The following ZNF136 variants were observed in gnomAD, a reference collection of about 807,000 sequenced individuals.
The protein encoded by ZNF136 is zinc finger protein 136 (clone pHZ-20).
A neutral mutation model predicts 11.4 loss-of-function variants in ZNF136; 8 were observed. The observed-to-expected ratio is 0.70, with a 90% CI of 0.41 to 1.27. The LOEUF (loss-of-function observed/expected upper bound fraction) is 1.27. Among genes scored for constraint, ZNF136 ranks in the 50% most tolerant of loss-of-function variants. The probability of loss-of-function intolerance (pLI) is 0.01; values close to 1 mark genes in which losing one functional copy is unlikely to be tolerated. For synonymous variants in ZNF136, 190 were observed against 207.1 expected, an observed-to-expected ratio of 0.92 and a Z score of 0.71; for missense variants, 590 against 656.5, an observed-to-expected ratio of 0.90 and a Z score of 1.11.
chr19:12,168,036 ATT>A (rs1208378064), intron 1 of ZNF136, among the ~76,000 whole-genome samples: 1 of 58,826 alleles, frequency 1.7e-5, no homozygotes, highest in Non-Finnish European at 3.8e-5. Context: ...ACAAATGCCC[ATT>A]TTTTTTTCTT....
Position 12,187,318 on chromosome 19 carries a change from G to A in ZNF136, c.940G>A (p.Gly314Arg), listed in dbSNP as rs1220450779. 1.4e-5 allele frequency: 22 copies of A among 1,613,928 alleles called. No individual in the cohort carries two copies. Among genetic ancestry groups the A allele is most frequent in the Non-Finnish European group, 1.7e-5 (20 of 1,180,006 alleles). Reference sequence around the variant, plus strand: ...GAAACCTTATGAATGCAAGCAGTGTGGGAAGGCCTTCAGTTATCTCCCCTC... The same window carrying A: ...GAAACCTTATGAATGCAAGCAGTGTAGGAAGGCCTTCAGTTATCTCCCCTC... ...GEKPYECKQC[G>R]KAFSYLPSLR... The change falls in exon 4 of 4, where the codon GGG (glycine) becomes AGG (arginine). Residue 314 changes from glycine (G) to arginine (R), a missense_variant. Gly to Arg is a moderately radical substitution (Grantham distance 125, BLOSUM62 -2). Transcript: ENST00000343979.
At chr19:12,172,118 G>A (rs746069504) in intron 1 of ZNF136, among the ~76,000 whole-genome samples, 4 of 151,516 alleles carry the variant, frequency 2.6e-5, no homozygotes, top group Non-Finnish European at 4.4e-5. Flanking sequence ...AGCTGGGATC[G>A]CAGGTGTGAG....
chr19:12,185,827 G>A lies in ZNF136; in HGVS notation c.46G>A (p.Glu16Lys). 3 of 1,614,008 alleles carry A rather than the reference G, an allele frequency of 1.9e-6. No homozygotes were observed. Among genetic ancestry groups the A allele is most frequent in the Non-Finnish European group, 2.5e-6 (3 of 1,179,964 alleles). Residue 16 changes from glutamate (E) to lysine (K), a missense_variant, in exon 2 of 4, where the codon GAG becomes AAG. By Grantham distance (56) the Glu-to-Lys change is moderately conservative. Transcript: ENST00000343979. The part of the protein sequence containing the change: ...FEDVDVNFTQ[E>K]EWALLDPSQK... ...GGATGTAGATGTGAACTTCACCCAG[G>A]AGGAGTGGGCTTTGCTAGATCCTTC...
At chr19:12,163,504 C>T (rs1218624053) in intron 1 of ZNF136, among the ~76,000 whole-genome samples, 4 of 152,252 alleles carry the variant, frequency 2.6e-5, no homozygotes, top group Non-Finnish European at 5.9e-5. Flanking sequence ...GAAATCCTGA[C>T]TTGTGCGTGG....
intron 1 of ZNF136, among the ~76,000 whole-genome samples, chr19:12,168,314 T>C (rs1465180059): frequency 1.3e-5 from 2 of 152,118 alleles, no homozygotes; most frequent in East Asian, 3.9e-4. Context: ...CCTCAGGTGA[T>C]CTGCCTACCT....
intron 1 of ZNF136, among the ~76,000 whole-genome samples, chr19:12,166,235 A>C (rs1002278089): frequency 6.6e-6 from 1 of 152,076 alleles, no homozygotes; most frequent in Non-Finnish European, 1.5e-5. Flanking sequence ...CTCAAAAAAA[A>C]AAAGAAAAAA....
At chr19:12,177,480 C>A (rs1914830760) in intron 1 of ZNF136, among the ~76,000 whole-genome samples, 1 of 152,190 alleles carries the variant, frequency 6.6e-6, no homozygotes, top group Non-Finnish European at 1.5e-5. Context: ...TCCTGAGTAG[C>A]TGGGATTACA....
chr19:12,168,041 T>TTTTTC (rs1914524852), intron 1 of ZNF136, among the ~76,000 whole-genome samples: 1 of 150,168 alleles, frequency 6.7e-6, no homozygotes, highest in South Asian at 2.1e-4. Flanking sequence ...TGCCCATTTT[T>TTTTTC]TTTTCTTTTC....
intron 1 of ZNF136, among the ~76,000 whole-genome samples, chr19:12,168,050 T>A: frequency 7.1e-6 from 1 of 140,798 alleles, no homozygotes; most frequent in South Asian, 2.3e-4. Context: ...TTTTTTCTTT[T>A]CTTTTTCTTT....
chr19:12,179,107 TCA>T (rs1914874218), intron 1 of ZNF136, among the ~76,000 whole-genome samples: 1 of 152,174 alleles, frequency 6.6e-6, no homozygotes, highest in Admixed American at 6.5e-5. Context: ...GCTCATGTAG[TCA>T]CAGTTTTTAT....
chr19:12,187,944 C>T lies in ZNF136; in HGVS notation c.1566C>T (p.His522=), dbSNP rs956485057. 1.3e-5 allele frequency: 20 copies of T among 1,554,108 alleles called. No individual in the cohort carries two copies. The African/African-American group carries it at 2.5e-4, about 19-fold the overall frequency. Reference sequence around the variant, plus strand: ...CTTGCCGTGCCAGCTTTCAGAGACACATGTTAACACATGCTGAAGATGGAC... The same window carrying T: ...CTTGCCGTGCCAGCTTTCAGAGACATATGTTAACACATGCTGAAGATGGAC... The part of the protein sequence containing the change: ...AYSCRASFQR[H]MLTHAEDGPP... Residue 522 remains histidine (H), a synonymous_variant, in exon 4 of 4, where the codon CAC becomes CAT. Coordinates refer to ENST00000343979, the MANE Select transcript of ZNF136 (RefSeq NM_003437.5).
chr19:12,170,379 T>A (rs1365099173), intron 1 of ZNF136, among the ~76,000 whole-genome samples: 4 of 151,986 alleles, frequency 2.6e-5, no homozygotes, highest in African/African-American at 4.8e-5. Flanking sequence ...CAAGTGCTAA[T>A]GCTTCATAAA....
Position 12,186,639 on chromosome 19 carries a change from T to C in ZNF136, c.261T>C (p.Phe87=). The change falls in exon 4 of 4, where the codon TTT becomes TTC. Residue 87 remains phenylalanine (F), a synonymous_variant. Coordinates refer to ENST00000343979, the MANE Select transcript of ZNF136 (RefSeq NM_003437.5). ...AGCGTGGAGGAATTTTTAGCCAGTT[T>C]GCAAATCAGAATCTGAGCAAGAAAA... ...GSQRGGIFSQ[F]ANQNLSKKIP... is the part of the protein sequence containing the mutation. 1 of 1,614,190 alleles carries C rather than the reference T, an allele frequency of 6.2e-7. No individual in the cohort carries two copies. Among genetic ancestry groups the C allele is most frequent in the Non-Finnish European group, 8.5e-7 (1 of 1,180,012 alleles).
At chr19:12,176,546 C>CA (rs1555728532) in intron 1 of ZNF136, among the ~76,000 whole-genome samples, 2 of 152,072 alleles carry the variant, frequency 1.3e-5, no homozygotes. Flanking sequence ...AGGCTGGTCT[C>CA]AAACTCCTGA....
At chr19:12,180,851 A>T (rs1914921752) in intron 1 of ZNF136, among the ~76,000 whole-genome samples, 1 of 152,218 alleles carries the variant, frequency 6.6e-6, no homozygotes, top group Admixed American at 6.5e-5. Context: ...TGGAACCTGG[A>T]GGAAGGCACA....
At chr19:12,172,598 A>G (rs1914685812) in intron 1 of ZNF136, among the ~76,000 whole-genome samples, 1 of 152,188 alleles carries the variant, frequency 6.6e-6, no homozygotes, top group Non-Finnish European at 1.5e-5. Flanking sequence ...CTACCAAGAG[A>G]GCCCCGATTA....
At chr19:12,181,418 G>A (rs912352893) in intron 1 of ZNF136, among the ~76,000 whole-genome samples, 1 of 152,020 alleles carries the variant, frequency 6.6e-6, no homozygotes, top group Non-Finnish European at 1.5e-5. Context: ...TCTGTTCTCG[G>A]ATGCACAGTG....
intron 1 of ZNF136, among the ~76,000 whole-genome samples, chr19:12,182,530 G>T (rs1327025063): frequency 6.6e-6 from 1 of 152,214 alleles, no homozygotes; most frequent in Non-Finnish European, 1.5e-5. Flanking sequence ...CACCTCTTGG[G>T]ACACTCAGCT....
chr19:12,186,261 G>A (rs1915080663), intron 3 of ZNF136, 87 bp downstream of exon 3: 1 of 1,322,042 alleles, frequency 7.6e-7, no homozygotes, highest in Non-Finnish European at 1.0e-6. Flanking sequence ...TAACTGATAA[G>A]CCAAGCTTCA....
Sources: allele counts gnomAD v4.1 joint callset (sites outside exome capture counted in the v4.1 genomes callset), GRCh38; gene constraint gnomAD v4.1.1; transcripts MANE v1.5; gene names NCBI Gene and HGNC (gene_info 2026-07-23, HGNC 2026-07-21).